NFIA: variants seen among roughly 807,000 people sequenced by gnomAD.
NFIA encodes nuclear factor 1 A-type.
In NFIA, 8 loss-of-function variants were observed where a neutral mutation model predicts 62.8. The ratio of observed to expected loss-of-function variants is 0.13; its 90% CI spans 0.07 to 0.23. NFIA has a LOEUF of 0.23. Among genes scored for constraint, NFIA ranks in the 10% least tolerant of loss-of-function variants. NFIA has a pLI of 1.00. For missense variants in NFIA, 410 were observed against 642.1 expected (o/e 0.64, Z 3.91); for synonymous variants, 235 against 238.1 (o/e 0.99, Z 0.12).
intron 2 of NFIA, among the ~76,000 whole-genome samples, chr1:61,243,379 T>C (rs1414384783): frequency 2.0e-5 from 3 of 152,180 alleles, no homozygotes; most frequent in African/African-American, 4.8e-5. Context: ...TAAAAGTCTT[T>C]CTTGCCAATT....
At chr1:61,208,796 A>C (rs1246823859) in intron 2 of NFIA, among the ~76,000 whole-genome samples, 1 of 152,168 alleles carries the variant, frequency 6.6e-6, no homozygotes, top group Admixed American at 6.5e-5. Context: ...TTATTATTGA[A>C]AATAATAAAG....
intron 7 of NFIA, 79 bp downstream of exon 7, chr1:61,383,444 G>A: frequency 6.3e-7 from 1 of 1,577,214 alleles, no homozygotes; most frequent in African/African-American, 1.3e-5. Flanking sequence ...GAAACAATGA[G>A]GACTCCCCCT....
chr1:61,141,192 T>C (rs1378789097), intron 2 of NFIA, among the ~76,000 whole-genome samples: 1 of 152,130 alleles, frequency 6.6e-6, no homozygotes, highest in Non-Finnish European at 1.5e-5. Flanking sequence ...GTCTCTGATG[T>C]GCTACAAGAT....
intron 2 of NFIA, among the ~76,000 whole-genome samples, chr1:61,123,683 C>T (rs922901237): frequency 1.0e-5 from 1 of 98,366 alleles, no homozygotes; most frequent in East Asian, 3.1e-4. Flanking sequence ...TTATACAAAT[C>T]CAGTGAGGGG....
At chr1:61,204,171 G>A (rs1451022172) in intron 2 of NFIA, among the ~76,000 whole-genome samples, 1 of 152,142 alleles carries the variant, frequency 6.6e-6, no homozygotes, top group Non-Finnish European at 1.5e-5. Flanking sequence ...GCTTTCCTCT[G>A]GCCCTCTTGA....
chr1:61,352,783 ACG>A (rs1491252799), intron 5 of NFIA, among the ~76,000 whole-genome samples: 12 of 148,800 alleles, frequency 8.1e-5, no homozygotes, highest in East Asian at 1.9e-4. Flanking sequence ...ACACACACAC[ACG>A]CACACACACT....
chr1:61,251,353 C>T (rs372980029), intron 2 of NFIA: 25 of 152,264 alleles, frequency 1.6e-4, no homozygotes, highest in African/African-American at 5.8e-4. Context: ...TCTCTTAGTG[C>T]TGTCTGTTTC....
chr1:61,452,718 C>T (rs532738010), intron 10 of NFIA, among the ~76,000 whole-genome samples: 4 of 152,272 alleles, frequency 2.6e-5, no homozygotes, highest in East Asian at 1.9e-4. Flanking sequence ...AGAGTTGCAG[C>T]GTGCAGCCCA....
chr1:61,118,926 A>C (rs754692734), intron 2 of NFIA, among the ~76,000 whole-genome samples: 3 of 152,146 alleles, frequency 2.0e-5, no homozygotes, highest in Non-Finnish European at 4.4e-5. Context: ...TGCTGTAGCC[A>C]TCCAGACCAG....
At chr1:61,116,595 C>T (rs1364536460) in intron 2 of NFIA, among the ~76,000 whole-genome samples, 2 of 152,010 alleles carry the variant, frequency 1.3e-5, no homozygotes, top group Non-Finnish European at 2.9e-5. Flanking sequence ...GTGCATCCCA[C>T]CCAAATAAAG....
chr1:61,269,984 G>A (rs954676058), intron 2 of NFIA, among the ~76,000 whole-genome samples: 29 of 152,154 alleles, frequency 1.9e-4, no homozygotes, highest in African/African-American at 5.3e-4. Context: ...AATAAACAAC[G>A]GCAAGCTGAG....
At chr1:61,077,794 G>T (rs900829213), upstream of NFIA, among the ~76,000 whole-genome samples, 1 of 151,736 alleles carries the variant, frequency 6.6e-6, no homozygotes, top group Non-Finnish European at 1.5e-5. Context: ...TTGTTTTAAA[G>T]ATGTAGCTTT....
intron 2 of NFIA, among the ~76,000 whole-genome samples, chr1:61,241,246 T>C (rs1389452269): frequency 6.6e-6 from 1 of 152,126 alleles, no homozygotes; most frequent in East Asian, 1.9e-4. Context: ...CATCTTTCTT[T>C]CCTTATACCT....
chr1:61,106,910 TAA>T lies in NFIA; in HGVS notation c.559+18231_559+18232del, dbSNP rs547610915. Among the ~76,000 whole-genome samples the T allele has an allele frequency of 7.5e-4, 113 of 151,564 alleles. 1 individual carries two copies. Among genetic ancestry groups the T allele is most frequent in the African/African-American group, 2.6e-3 (108 of 41,444 alleles). On this transcript the variant is annotated intron_variant, in intron 2 of 10. Coordinates refer to ENST00000403491, the MANE Select transcript of NFIA (RefSeq NM_001134673.4). ...TATTGTTCAGTTTTGCTTGTTTTTTTAAGTTTTATAAAAAATCATATATACAC... is the reference window on the plus strand; with the variant it reads ...TATTGTTCAGTTTTGCTTGTTTTTTTGTTTTATAAAAAATCATATATACAC...
intron 10 of NFIA, among the ~76,000 whole-genome samples, chr1:61,446,978 C>T (rs1405402073): frequency 6.6e-6 from 1 of 152,196 alleles, no homozygotes; most frequent in East Asian, 1.9e-4. Context: ...ATTGGGCCAA[C>T]CCCAAGTGTT....
At chr1:61,289,251 G>A (rs1448355936) in intron 3 of NFIA, among the ~76,000 whole-genome samples, 2 of 152,216 alleles carry the variant, frequency 1.3e-5, no homozygotes, top group Admixed American at 1.3e-4. Context: ...ATTCAGAGGA[G>A]CAGCCCTGTT....
chr1:61,112,034 C>T (rs568494023), intron 2 of NFIA, among the ~76,000 whole-genome samples: 5 of 151,904 alleles, frequency 3.3e-5, no homozygotes, highest in African/African-American at 1.2e-4. Flanking sequence ...TACAATTACA[C>T]TAATTAACAT....
chr1:61,450,221 T>C lies in NFIA; in HGVS notation c.1513-5082T>C, dbSNP rs116112884. ...ATAGCACCTAGCACATAGAAGGCCC[T>C]TAGTGCTTGTTGGATGAGTGAATAA... On this transcript the variant is annotated intron_variant, in intron 10 of 10. Coordinates refer to ENST00000403491, the MANE Select transcript of NFIA (RefSeq NM_001134673.4). 4.7e-3 allele frequency among the ~76,000 whole-genome samples: 713 copies of C among 152,290 alleles called. 4 individuals carry two copies. Among genetic ancestry groups the C allele is most frequent in the Middle Eastern group, 0.024 (7 of 294 alleles).
chr1:61,081,841 G>C, upstream of NFIA: 1 of 1,518,868 alleles, frequency 6.6e-7, no homozygotes, highest in Non-Finnish European at 8.8e-7. Flanking sequence ...TATTCCCACA[G>C]AAAGCTTCGC....
Sources: gnomAD v4.1 joint callset for allele counts (sites outside exome capture counted in the v4.1 genomes callset) on GRCh38, gnomAD v4.1.1 for gene constraint, MANE v1.5 for transcripts, NCBI Gene and HGNC (gene_info 2026-07-23, HGNC 2026-07-21) for gene names.